The following CACNA2D1 variants were observed in gnomAD, a reference collection of about 807,000 sequenced individuals.
CACNA2D1 encodes voltage-dependent calcium channel subunit alpha-2/delta-1.
Under a neutral mutation model 171.5 loss-of-function variants are expected in CACNA2D1, and 53 were observed. The observed-to-expected ratio is 0.31, with a 90% confidence interval of 0.25 to 0.39. The LOEUF is 0.39. Among genes scored for constraint, CACNA2D1 ranks in the 10% least tolerant of loss-of-function variants. The pLI is 1.00. For synonymous variants in CACNA2D1, 442 were observed against 443.1 expected, an observed-to-expected ratio of 1.00 and a Z score of 0.03; for missense variants, 903 against 1,299.8, an observed-to-expected ratio of 0.69 and a Z score of 4.69.
intron 3 of CACNA2D1, among the ~76,000 whole-genome samples, chr7:82,306,073 C>A (rs1044387440): frequency 6.6e-6 from 1 of 152,178 alleles, no homozygotes; most frequent in African/African-American, 2.4e-5. Context: ...TTGGAATATT[C>A]ATATTGTCTG....
intron 1 of CACNA2D1, among the ~76,000 whole-genome samples, chr7:82,378,753 T>C (rs7791977): frequency 0.74 from 112,056 of 152,098 alleles, 41,671 homozygotes; most frequent in African/African-American, 0.85. Flanking sequence ...TGCCAATAAA[T>C]TTGTTAAATA....
chr7:82,195,416 A>G (rs1798750154), intron 3 of CACNA2D1, among the ~76,000 whole-genome samples: 1 of 152,052 alleles, frequency 6.6e-6, no homozygotes, highest in Non-Finnish European at 1.5e-5. Context: ...TCCAAAGTAT[A>G]TTGATACAGC....
intron 7 of CACNA2D1, among the ~76,000 whole-genome samples, chr7:82,076,025 TA>T (rs2128998879): frequency 6.6e-6 from 1 of 152,288 alleles, no homozygotes; most frequent in South Asian, 2.1e-4. Context: ...CCTGTTTACC[TA>T]CTCTAACCTG....
At chr7:81,983,292 T>C in intron 23 of CACNA2D1, 22 bp downstream of exon 23, 1 of 1,598,316 alleles carries the variant, frequency 6.3e-7, no homozygotes, top group Non-Finnish European at 8.6e-7. Context: ...AGAAAGAAGT[T>C]GAGCAACAAG....
intron 4 of CACNA2D1, among the ~76,000 whole-genome samples, chr7:82,167,977 G>C (rs1247764323): frequency 6.6e-6 from 1 of 152,070 alleles, no homozygotes; most frequent in Non-Finnish European, 1.5e-5. Context: ...TTGTGGGACT[G>C]ATTTGTCCTC....
chr7:82,422,564 C>A (rs1185995606), intron 1 of CACNA2D1, among the ~76,000 whole-genome samples: 2 of 152,044 alleles, frequency 1.3e-5, no homozygotes, highest in Non-Finnish European at 2.9e-5. Flanking sequence ...TACTGGAAAG[C>A]AGAATAAGGA....
chr7:81,978,282 C>T (rs773795375), intron 24 of CACNA2D1, among the ~76,000 whole-genome samples: 3 of 152,120 alleles, frequency 2.0e-5, no homozygotes, highest in Non-Finnish European at 4.4e-5. Context: ...GACACATGCA[C>T]ATGTATGTTT....
chr7:82,359,352 T>A (rs982580720), intron 1 of CACNA2D1, among the ~76,000 whole-genome samples: 4 of 152,262 alleles, frequency 2.6e-5, no homozygotes, highest in African/African-American at 9.6e-5. Context: ...ATGGTAAAAA[T>A]TTCCTTATTT....
rs1324664679 is a variant in CACNA2D1, at chr7:82,140,954, T to TAAAAAAAAAAAAAAAAA, written c.355-4279_355-4278insTTTTTTTTTTTTTTTTT. ...TAGGCGACAGAGCAAGACTCGTCTC[T>TAAAAAAAAAAAAAAAAA]AAAAAAAAAAAAAAAGAAAAAAAAA... On this transcript the variant is annotated intron_variant, in intron 4 of 38. Transcript: ENST00000356860. 1.1e-3 allele frequency among the ~76,000 whole-genome samples: 99 copies of TAAAAAAAAAAAAAAAAA among 91,706 alleles called. 3 individuals are homozygous for TAAAAAAAAAAAAAAAAA. The highest frequency in any genetic ancestry group is 1.9e-3 in the African/African-American group (38 of 19,588). 60.2% of individuals were successfully genotyped at this position (91,706 alleles called of 152,430 possible).
At chr7:82,189,225 A>C (rs1798061237) in intron 3 of CACNA2D1, among the ~76,000 whole-genome samples, 1 of 152,026 alleles carries the variant, frequency 6.6e-6, no homozygotes, top group African/African-American at 2.4e-5. Context: ...CACTATGATG[A>C]AAATGGTATT....
At chr7:82,059,480 A>G (rs1806338939) in intron 10 of CACNA2D1, among the ~76,000 whole-genome samples, 1 of 151,538 alleles carries the variant, frequency 6.6e-6, no homozygotes, top group Non-Finnish European at 1.5e-5. Context: ...AATGAGGATG[A>G]TAATGAATAG....
intron 6 of CACNA2D1, among the ~76,000 whole-genome samples, chr7:82,111,845 A>G (rs1788516607): frequency 6.6e-6 from 1 of 152,162 alleles, no homozygotes; most frequent in South Asian, 2.1e-4. Context: ...AATCCATATT[A>G]TTTTGTTATT....
Position 82,014,319 on chromosome 7 carries a change from G to C in CACNA2D1, c.1222+82C>G, listed in dbSNP as rs925902446. On this transcript the variant is annotated intron_variant, in intron 13 of 38. Transcript: ENST00000356860. The stretch of plus-strand genomic sequence containing the variant: ...CCTATAAAAGTTAGCTACAATTTTA[G>C]CTTATTTTAAATAAGTACACCTAAT... 7 of 758,730 alleles carry C rather than the reference G, an allele frequency of 9.2e-6. No homozygotes were observed. The Admixed American group carries it at 1.4e-4, about 15-fold the overall frequency. 47.0% of individuals were successfully genotyped at this position (758,730 alleles called of 1,614,324 possible). A position where few individuals can be genotyped will look rare whatever the true frequency, so the allele number is the denominator to read the frequency against.
intron 3 of CACNA2D1, among the ~76,000 whole-genome samples, chr7:82,293,794 A>G (rs1163360412): frequency 2.0e-5 from 3 of 152,164 alleles, no homozygotes; most frequent in Non-Finnish European, 2.9e-5. Context: ...TTATGTTTTC[A>G]GCTATATTTT....
intron 1 of CACNA2D1, among the ~76,000 whole-genome samples, chr7:82,361,537 C>T (rs955694710): frequency 6.6e-6 from 1 of 151,834 alleles, no homozygotes; most frequent in Non-Finnish European, 1.5e-5. Context: ...GAAACATTTG[C>T]TAATGTTTAA....
chr7:82,216,785 G>A (rs917616553), intron 3 of CACNA2D1, among the ~76,000 whole-genome samples: 1 of 148,860 alleles, frequency 6.7e-6, no homozygotes, highest in African/African-American at 2.5e-5. Context: ...GTCCTAGATA[G>A]CAAAGAAACA....
At chr7:82,036,993 T>C (rs1438663590) in intron 11 of CACNA2D1, among the ~76,000 whole-genome samples, 1 of 152,172 alleles carries the variant, frequency 6.6e-6, no homozygotes, top group Admixed American at 6.6e-5. Context: ...TTCTCTGAGG[T>C]ACATGTCATA....
At chr7:82,317,077 G>A (rs987068540) in intron 3 of CACNA2D1, among the ~76,000 whole-genome samples, 4 of 152,080 alleles carry the variant, frequency 2.6e-5, no homozygotes, top group Non-Finnish European at 5.9e-5. Flanking sequence ...GTCTTTCACT[G>A]GTTAATGTTA....
intron 5 of CACNA2D1, among the ~76,000 whole-genome samples, chr7:82,119,254 T>A (rs993195310): frequency 6.6e-6 from 1 of 152,190 alleles, no homozygotes; most frequent in African/African-American, 2.4e-5. Context: ...TATACAAATG[T>A]GTACAGAGAA....
Sources: gnomAD v4.1 joint callset for allele counts (sites outside exome capture counted in the v4.1 genomes callset) on GRCh38, gnomAD v4.1.1 for gene constraint, MANE v1.5 for transcripts, NCBI Gene and HGNC (gene_info 2026-07-23, HGNC 2026-07-21) for gene names.